FOXP2: variants seen among roughly 807,000 people sequenced by gnomAD.
FOXP2 encodes the protein forkhead box P2.
Under a neutral mutation model 115.8 loss-of-function variants are expected in FOXP2, and 12 were observed. That is an observed-to-expected ratio of 0.10 (90% CI 0.07 to 0.17). The LOEUF (loss-of-function observed/expected upper bound fraction) is 0.17. Among genes scored for constraint, FOXP2 ranks in the 10% least tolerant of loss-of-function variants. The pLI, the probability that FOXP2 is intolerant of heterozygous loss-of-function variation, is 1.00. For missense variants in FOXP2, 629 were observed against 843.5 expected (o/e 0.75, Z 3.15); for synonymous variants, 328 against 297.7 (o/e 1.10, Z -1.05).
chr7:114,266,736 A>G (rs887120855), intron 1 of FOXP2, among the ~76,000 whole-genome samples: 4 of 152,154 alleles, frequency 2.6e-5, no homozygotes, highest in Admixed American at 6.5e-5. Context: ...TAATACCTTG[A>G]ATCAGGGACC....
At position 114,527,036 on chromosome 7, in the gene FOXP2, A is replaced by G. The variant is rs367938031; in HGVS notation, c.169-7581A>G. On this transcript the variant is annotated intron_variant, in intron 2 of 16. Transcript: ENST00000350908. ...CTCTTTAGGTATATCTATTCCAGGC[A>G]TATTATACAAATGGAATGATACAGT... Among the ~76,000 whole-genome samples the G allele has an allele frequency of 9.6e-5, 14 of 146,140 alleles. No individual in the cohort carries two copies. The South Asian group carries it at 1.1e-3, about 11-fold the overall frequency.
chr7:114,331,660 CTTT>C (rs112494928), intron 2 of FOXP2, among the ~76,000 whole-genome samples: 1 of 143,054 alleles, frequency 7.0e-6, no homozygotes. Flanking sequence ...CTGACATTTT[CTTT>C]TTTTTTTTTT....
At chr7:114,432,768 C>A (rs956105) in intron 2 of FOXP2, among the ~76,000 whole-genome samples, 1 of 151,844 alleles carries the variant, frequency 6.6e-6, no homozygotes, top group African/African-American at 2.4e-5. Flanking sequence ...GAAGTGTACA[C>A]TTGGCCTGAC....
At chr7:114,230,840 C>G (rs1794856457) in intron 1 of FOXP2, among the ~76,000 whole-genome samples, 1 of 151,758 alleles carries the variant, frequency 6.6e-6, no homozygotes, top group African/African-American at 2.4e-5. Flanking sequence ...CACTTTTATT[C>G]AACACAGTAC....
At chr7:114,473,289 A>G (rs1164746063) in intron 2 of FOXP2, among the ~76,000 whole-genome samples, 1 of 152,138 alleles carries the variant, frequency 6.6e-6, no homozygotes, top group Non-Finnish European at 1.5e-5. Flanking sequence ...AGCCCCCATT[A>G]CAAGATACAA....
chr7:114,398,740 T>G (rs1160337906), intron 2 of FOXP2, among the ~76,000 whole-genome samples: 1 of 152,238 alleles, frequency 6.6e-6, no homozygotes, highest in Non-Finnish European at 1.5e-5. Context: ...TGGGTTCATA[T>G]ATCCAGGAGT....
chr7:114,484,217 G>A (rs1026727119), intron 2 of FOXP2, among the ~76,000 whole-genome samples: 1 of 151,614 alleles, frequency 6.6e-6, no homozygotes, highest in African/African-American at 2.4e-5. Flanking sequence ...GTGTAGATTA[G>A]AATTCTCTGT....
At chr7:114,606,225 T>G (rs1413163288) in intron 3 of FOXP2, among the ~76,000 whole-genome samples, 1 of 152,164 alleles carries the variant, frequency 6.6e-6, no homozygotes, top group East Asian at 1.9e-4. Context: ...AGAAACCGTT[T>G]CACAGATTCA....
intron 2 of FOXP2, among the ~76,000 whole-genome samples, chr7:114,296,767 T>A (rs528702281): frequency 6.6e-6 from 1 of 152,242 alleles, no homozygotes; most frequent in South Asian, 2.1e-4. Context: ...GATTGCTAGG[T>A]CAGATGAAAA....
intron 3 of FOXP2, among the ~76,000 whole-genome samples, chr7:114,548,770 A>G (rs762173484): frequency 6.6e-6 from 1 of 152,216 alleles, no homozygotes; most frequent in Non-Finnish European, 1.5e-5. Flanking sequence ...AGTGCTGATG[A>G]GGGATTCTGA....
rs898494971 is a variant in FOXP2, at chr7:114,294,374, C to G, written c.-11+6265C>G. On this transcript the variant is annotated intron_variant, in intron 2 of 17. Coordinates refer to the FOXP2 transcript ENST00000634411. ...GATAGTTTTCTGCTATCTTTTAATG[C>G]CCTTTATGGAGGTGTAAATACTAGA... 4.6e-5 allele frequency among the ~76,000 whole-genome samples: 7 copies of G among 152,022 alleles called. 1 individual carries two copies. The East Asian group carries it at 1.4e-3, about 29-fold the overall frequency.
intron 1 of FOXP2, among the ~76,000 whole-genome samples, chr7:114,272,963 T>A (rs1335275101): frequency 1.3e-5 from 2 of 151,934 alleles, no homozygotes; most frequent in Non-Finnish European, 2.9e-5. Context: ...TCCTTATTAT[T>A]TCTTTTCTTT....
intron 2 of FOXP2, among the ~76,000 whole-genome samples, chr7:114,345,555 T>C (rs1791326453): frequency 6.6e-6 from 1 of 151,816 alleles, no homozygotes. Context: ...ACTTGATTTG[T>C]GTTCATGTTC....
intron 2 of FOXP2, among the ~76,000 whole-genome samples, chr7:114,402,640 G>A (rs1280747998): frequency 6.8e-6 from 1 of 146,204 alleles, no homozygotes; most frequent in Non-Finnish European, 1.5e-5. Flanking sequence ...TTTTTTTTGA[G>A]ACAGGGTCTT....
rs1026005014 is a variant in FOXP2, at chr7:114,692,126, T to A, written c.*2200T>A. The A allele has an allele frequency of 1.1e-5, 5 of 453,838 alleles. No homozygotes were observed. The Admixed American group carries it at 1.2e-4, about 11-fold the overall frequency. The allele number at this position is 453,838 out of a possible 1,614,324, so 28.1% of individuals were successfully genotyped here. Reference sequence around the variant, plus strand: ...AAAGATGGTTTTCAGTCATCTAGGATCCTACTGTAAGGATTATCTGAAAGG... The same window carrying A: ...AAAGATGGTTTTCAGTCATCTAGGAACCTACTGTAAGGATTATCTGAAAGG... On this transcript the variant is annotated 3_prime_UTR_variant, in exon 17 of 17. Transcript: ENST00000350908.
chr7:114,593,952 TTAC>T (rs1310594624), intron 3 of FOXP2, among the ~76,000 whole-genome samples: 22 of 152,016 alleles, frequency 1.4e-4, no homozygotes, highest in Admixed American at 1.4e-3. Flanking sequence ...TTACCTAAGT[TTAC>T]CTAAAGAAGT....
intron 2 of FOXP2, among the ~76,000 whole-genome samples, chr7:114,449,331 A>G (rs145879363): frequency 1.2e-3 from 186 of 152,252 alleles, no homozygotes; most frequent in African/African-American, 4.0e-3. Flanking sequence ...TTGTATTCAT[A>G]TATTTTTAAA....
chr7:114,169,162 C>G (rs62469184), intron 1 of FOXP2, among the ~76,000 whole-genome samples: 131,205 of 152,032 alleles, frequency 0.86, 57,041 homozygotes, highest in Non-Finnish European at 0.92. Context: ...TGCACTGGTG[C>G]ACTGTGAGAA....
intron 2 of FOXP2, among the ~76,000 whole-genome samples, chr7:114,514,600 G>T (rs1370041829): frequency 2.6e-5 from 4 of 151,422 alleles, no homozygotes; most frequent in Non-Finnish European, 5.9e-5. Flanking sequence ...TTTTTTTTTA[G>T]AGCTGAATAG....
Sources: gnomAD v4.1 joint callset for allele counts (sites outside exome capture counted in the v4.1 genomes callset) on GRCh38, gnomAD v4.1.1 for gene constraint, MANE v1.5 for transcripts, NCBI Gene and HGNC (gene_info 2026-07-23, HGNC 2026-07-21) for gene names.